The following LOC400499 variants were observed in gnomAD, a reference collection of about 807,000 sequenced individuals.
chr16:11,519,836 G>T, the LOC400499 span, among the ~76,000 whole-genome samples: 3 of 151,796 alleles, frequency 2.0e-5, no homozygotes, highest in South Asian at 6.2e-4. Context: ...CTCCTGAGTA[G>T]CTGGGATTAC....
chr16:11,462,095 C>CA, the LOC400499 span: 1 of 1,468,162 alleles, frequency 6.8e-7, no homozygotes, highest in Non-Finnish European at 9.0e-7. Context: ...GCAGAGGGGA[C>CA]AGAAGGGGTC....
the LOC400499 span, among the ~76,000 whole-genome samples, chr16:11,403,758 A>G: frequency 2.6e-5 from 4 of 152,180 alleles, no homozygotes; most frequent in African/African-American, 9.7e-5. Context: ...CCTTCCAGGG[A>G]TGCCTGTTTC....
chr16:11,493,318 G>A, the LOC400499 span, among the ~76,000 whole-genome samples: 1 of 152,228 alleles, frequency 6.6e-6, no homozygotes, highest in Non-Finnish European at 1.5e-5. Flanking sequence ...AAGTGAGTGG[G>A]CATGCCTGTG....
the LOC400499 span, chr16:11,402,037 C>G: frequency 2.5e-6 from 1 of 399,210 alleles, no homozygotes; most frequent in Non-Finnish European, 4.4e-6. Context: ...TGACACTTAC[C>G]TGGTCCCTGC....
the LOC400499 span, chr16:11,424,418 C>G: frequency 2.5e-6 from 1 of 399,048 alleles, no homozygotes; most frequent in East Asian, 3.6e-5. Context: ...CGCATTTAGT[C>G]AGGATGGGAA....
At chr16:11,469,997 G>GA in the LOC400499 span, among the ~76,000 whole-genome samples, 1 of 152,150 alleles carries the variant, frequency 6.6e-6, no homozygotes, top group Admixed American at 6.5e-5. Context: ...CTGCCTCCCA[G>GA]GTTCAAGTGA....
chr16:11,440,936 T>C, the LOC400499 span: 1 of 398,938 alleles, frequency 2.5e-6, no homozygotes, highest in Non-Finnish European at 4.4e-6. Context: ...TGGGGACCCA[T>C]ACCTGGTAGG....
the LOC400499 span, chr16:11,456,902 C>A: frequency 2.0e-5 from 30 of 1,536,108 alleles, no homozygotes; most frequent in Non-Finnish European, 2.6e-5. Context: ...CCTTCCACTG[C>A]CCGCCTGCCA....
the LOC400499 span, among the ~76,000 whole-genome samples, chr16:11,520,518 G>A: frequency 1.2e-4 from 19 of 152,226 alleles, no homozygotes; most frequent in South Asian, 2.3e-3. Flanking sequence ...TTAGCCAGGC[G>A]TGGCGGAGCG....
the LOC400499 span, among the ~76,000 whole-genome samples, chr16:11,378,781 G>T: frequency 1.3e-5 from 2 of 152,174 alleles, no homozygotes; most frequent in South Asian, 4.1e-4. Flanking sequence ...CATTTCAAAT[G>T]TATTAAATCT....
the LOC400499 span, chr16:11,478,661 G>A: frequency 5.0e-6 from 2 of 399,206 alleles, no homozygotes; most frequent in East Asian, 3.6e-5. Context: ...CGCAGAGCCT[G>A]CCGGGCCCCA....
chr16:11,501,735 C>T, the LOC400499 span, among the ~76,000 whole-genome samples: 8 of 152,192 alleles, frequency 5.3e-5, no homozygotes, highest in South Asian at 8.3e-4. Flanking sequence ...AGACTCTCCA[C>T]GCCCCCAGCA....
chr16:11,404,839 G>A, the LOC400499 span: 1 of 399,016 alleles, frequency 2.5e-6, no homozygotes, highest in Middle Eastern at 6.3e-4. Flanking sequence ...GCGGTCTGCA[G>A]GAACAGCTCC....
the LOC400499 span, among the ~76,000 whole-genome samples, chr16:11,470,092 T>A: frequency 6.6e-6 from 1 of 152,204 alleles, no homozygotes; most frequent in South Asian, 2.1e-4. Context: ...TTGTTATTTT[T>A]GGTAGAGATG....
the LOC400499 span, chr16:11,448,931 C>T: frequency 1.3e-6 from 2 of 1,482,300 alleles, no homozygotes; most frequent in South Asian, 1.2e-5. Context: ...ACTCCAGGTG[C>T]CTGTAGGCCG....
the LOC400499 span, among the ~76,000 whole-genome samples, chr16:11,421,590 G>C: frequency 6.6e-6 from 1 of 152,162 alleles, no homozygotes. Context: ...TTTTAGTAGA[G>C]ACAGGGTTTT....
chr16:11,508,675 G>T, the LOC400499 span: 1 of 398,968 alleles, frequency 2.5e-6, no homozygotes, highest in East Asian at 3.6e-5. Context: ...GGGACTCAGG[G>T]CCAAGAAAGA....
the LOC400499 span, among the ~76,000 whole-genome samples, chr16:11,436,306 A>G: frequency 6.6e-6 from 1 of 151,898 alleles, no homozygotes; most frequent in South Asian, 2.1e-4. Flanking sequence ...CGGGAACCAG[A>G]GGACCCAGAA....
chr16:11,434,117 C>A, the LOC400499 span, among the ~76,000 whole-genome samples: 2 of 152,112 alleles, frequency 1.3e-5, no homozygotes, highest in Non-Finnish European at 2.9e-5. Flanking sequence ...GGAAGCCCTC[C>A]CGAGCCACTC....
Sources: allele counts gnomAD v4.1 joint callset (sites outside exome capture counted in the v4.1 genomes callset), GRCh38; gene constraint gnomAD v4.1.1; transcripts MANE v1.5.